FOXP2: variants seen among roughly 807,000 people sequenced by gnomAD.
FOXP2 encodes the protein forkhead box P2.
A neutral mutation model predicts 115.8 loss-of-function variants in FOXP2; 12 were observed. That is an observed-to-expected ratio of 0.10 (90% CI 0.07 to 0.17). FOXP2 has a LOEUF of 0.17. FOXP2 is among the 10% of genes least tolerant of loss of function. The pLI is 1.00. For synonymous variants in FOXP2, 328 were observed against 297.7 expected (o/e 1.10, Z -1.05); for missense variants, 629 against 843.5 (o/e 0.75, Z 3.15).
intron 2 of FOXP2, among the ~76,000 whole-genome samples, chr7:114,396,182 C>T (rs1792733552): frequency 6.6e-6 from 1 of 151,930 alleles, no homozygotes. Context: ...CCTTTGCAGC[C>T]TCTGGTAACC....
rs73434146 is a variant in FOXP2, at chr7:114,397,992, T to C, written c.-10-28510T>C. On this transcript the variant is annotated intron_variant, in intron 2 of 17. Transcript: ENST00000634411. Reference sequence around the variant, plus strand: ...GAAATCGAAGATTAAGTTTTTTTTTTCTTTTTTTCTCTCTTGAGAAATTCG... The same window carrying C: ...GAAATCGAAGATTAAGTTTTTTTTTCCTTTTTTTCTCTCTTGAGAAATTCG... Among the ~76,000 whole-genome samples the C allele has an allele frequency of 7.6e-3, 1,161 of 152,232 alleles. 13 individuals are homozygous for C. The highest frequency in any genetic ancestry group is 0.026 in the African/African-American group (1,074 of 41,552).
intron 1 of FOXP2, among the ~76,000 whole-genome samples, chr7:114,205,066 A>G (rs1316014300): frequency 6.6e-6 from 1 of 152,184 alleles, no homozygotes; most frequent in African/African-American, 2.4e-5. Flanking sequence ...AGATCAAAAT[A>G]CAGCAAAGAG....
chr7:114,579,027 T>C (rs1801709518), intron 3 of FOXP2, among the ~76,000 whole-genome samples: 1 of 152,198 alleles, frequency 6.6e-6, no homozygotes, highest in African/African-American at 2.4e-5. Context: ...ACATTTTCTC[T>C]TTATTTAGAC....
Position 114,324,021 on chromosome 7 carries a change from A to G in FOXP2, c.-11+35912A>G, listed in dbSNP as rs961846009. Among the ~76,000 whole-genome samples, 4 of 151,966 alleles carry G rather than the reference A, an allele frequency of 2.6e-5. No homozygotes were observed. In the East Asian group the frequency reaches 7.7e-4, roughly 29 times the overall value. On this transcript the variant is annotated intron_variant, in intron 2 of 17. Coordinates refer to the FOXP2 transcript ENST00000634411. ...GAACTAAGATTCTTTCTGTGTCACC[A>G]TATGTTTGACTTTTAAAGCAAGAGA...
chr7:114,196,244 T>G (rs1793903081), intron 1 of FOXP2, among the ~76,000 whole-genome samples: 1 of 152,056 alleles, frequency 6.6e-6, no homozygotes, highest in African/African-American at 2.4e-5. Context: ...TCTCTTGACC[T>G]CGTGATTTGC....
chr7:114,138,258 A>G (rs1792095707), intron 1 of FOXP2, among the ~76,000 whole-genome samples: 2 of 152,120 alleles, frequency 1.3e-5, no homozygotes, highest in South Asian at 4.1e-4. Context: ...AAGAGGGAAA[A>G]AGAGTAACTT....
intron 3 of FOXP2, among the ~76,000 whole-genome samples, chr7:114,595,576 T>G (rs565293141): frequency 6.6e-6 from 1 of 152,184 alleles, no homozygotes; most frequent in South Asian, 2.1e-4. Context: ...GATACTAATT[T>G]TGGTATATAA....
intron 3 of FOXP2, among the ~76,000 whole-genome samples, chr7:114,556,146 G>A (rs1800442573): frequency 6.6e-6 from 1 of 152,106 alleles, no homozygotes; most frequent in African/African-American, 2.4e-5. Flanking sequence ...TTTTTTGCTG[G>A]AGTTTTAGTT....
Position 114,544,536 on chromosome 7 carries a change from T to C in FOXP2, c.258+9830T>C, listed in dbSNP as rs79744736. 2.5e-3 allele frequency among the ~76,000 whole-genome samples: 378 copies of C among 152,344 alleles called. 3 individuals carry two copies. Among genetic ancestry groups the C allele is most frequent in the African/African-American group, 8.5e-3 (355 of 41,582 alleles). Reference sequence around the variant, plus strand: ...ATATAAATCCTTACACTTTTAATGCTAACACTTGCATTGCTGTAAAAGCTG... The same window carrying C: ...ATATAAATCCTTACACTTTTAATGCCAACACTTGCATTGCTGTAAAAGCTG... On this transcript the variant is annotated intron_variant, in intron 3 of 16. Coordinates refer to ENST00000350908, the MANE Select transcript of FOXP2 (RefSeq NM_014491.4).
At chr7:114,464,219 C>T (rs996030693) in intron 2 of FOXP2, among the ~76,000 whole-genome samples, 1 of 151,882 alleles carries the variant, frequency 6.6e-6, no homozygotes, top group Non-Finnish European at 1.5e-5. Flanking sequence ...ACTAAGACCT[C>T]CATTTAAACA....
intron 2 of FOXP2, among the ~76,000 whole-genome samples, chr7:114,343,099 C>T (rs1791255074): frequency 6.6e-6 from 1 of 151,634 alleles, no homozygotes; most frequent in East Asian, 1.9e-4. Flanking sequence ...ATCTCTAGAA[C>T]TAAGTATTGT....
chr7:114,159,964 T>C (rs1584514292), upstream of FOXP2, among the ~76,000 whole-genome samples: 1 of 152,194 alleles, frequency 6.6e-6, no homozygotes, highest in Admixed American at 6.5e-5. Context: ...TTAATGCTAA[T>C]AGACTGAGTG....
intron 2 of FOXP2, among the ~76,000 whole-genome samples, chr7:114,312,168 G>T (rs1386925620): frequency 6.6e-6 from 1 of 152,134 alleles, no homozygotes; most frequent in Non-Finnish European, 1.5e-5. Flanking sequence ...GGTCCTGATT[G>T]CCAACATTAT....
chr7:114,248,180 C>CAGAGAGAGAGAGAGAGAGAGAG (rs71314647), intron 1 of FOXP2, among the ~76,000 whole-genome samples: 1 of 145,966 alleles, frequency 6.9e-6, no homozygotes, highest in African/African-American at 2.5e-5. Flanking sequence ...AGCTTAAAAA[C>CAGAGAGAGAGAGAGAGAGAGAG]AGAGAGAGAG....
At chr7:114,162,787 G>C (rs530120695), upstream of FOXP2, among the ~76,000 whole-genome samples, 2 of 151,720 alleles carry the variant, frequency 1.3e-5, no homozygotes, top group Non-Finnish European at 2.9e-5. Flanking sequence ...TTAAATACTA[G>C]ATTTATTTAT....
intron 3 of FOXP2, among the ~76,000 whole-genome samples, chr7:114,594,725 T>C (rs1211559894): frequency 6.6e-6 from 1 of 152,048 alleles, no homozygotes; most frequent in African/African-American, 2.4e-5. Flanking sequence ...AATATGATTA[T>C]GTTGAAATAC....
chr7:114,328,437 C>T (rs1797615455), intron 2 of FOXP2, among the ~76,000 whole-genome samples: 1 of 151,650 alleles, frequency 6.6e-6, no homozygotes, highest in African/African-American at 2.4e-5. Flanking sequence ...AGGGTTTCAC[C>T]GTGTTAGCCA....
intron 3 of FOXP2, among the ~76,000 whole-genome samples, chr7:114,572,374 C>CT (rs1353762936): frequency 1.3e-5 from 2 of 151,468 alleles, no homozygotes; most frequent in East Asian, 1.9e-4. Context: ...TCCCCCTAAG[C>CT]TTTTTTGTAA....
intron 2 of FOXP2, among the ~76,000 whole-genome samples, chr7:114,355,493 G>A (rs573534737): frequency 6.6e-6 from 1 of 152,132 alleles, no homozygotes; most frequent in African/African-American, 2.4e-5. Flanking sequence ...GAAATCAAGT[G>A]TAATAGTTTC....
Sources: gnomAD v4.1 joint callset for allele counts (sites outside exome capture counted in the v4.1 genomes callset) on GRCh38, gnomAD v4.1.1 for gene constraint, MANE v1.5 for transcripts, NCBI Gene and HGNC (gene_info 2026-07-23, HGNC 2026-07-21) for gene names.